The following KICS2 variants were observed in gnomAD, a reference collection of about 807,000 sequenced individuals.
KICS2 encodes the protein KICSTOR subunit 2.
A neutral mutation model predicts 31.4 loss-of-function variants in KICS2; 13 were observed. That is an observed-to-expected ratio of 0.41 (90% CI 0.27 to 0.66). The LOEUF (loss-of-function observed/expected upper bound fraction) is 0.66. Among genes scored for constraint, KICS2 ranks in the 30% least tolerant of loss-of-function variants. The probability of loss-of-function intolerance (pLI) is 0.28; values close to 1 mark genes in which losing one functional copy is unlikely to be tolerated. For missense variants in KICS2, 455 were observed against 545.4 expected (o/e 0.83, Z 1.65); for synonymous variants, 209 against 214.8 (o/e 0.97, Z 0.24).
Position 64,215,758 on chromosome 12 carries a change from G to T in KICS2, c.441C>A (p.Tyr147Ter). 1 of 1,614,058 alleles carries T rather than the reference G, an allele frequency of 6.2e-7. No homozygotes were observed. The highest frequency in any genetic ancestry group is 8.5e-7 in the Non-Finnish European group (1 of 1,180,026). ...MEIADFYEKM[Y>*]TLSTQKFINA... ...TGATGAACTTCTGTGTGCTGAGGGTGTACATCTTCTCATAGAAGTCTGCTA... is the reference window on the plus strand; with the variant it reads ...TGATGAACTTCTGTGTGCTGAGGGTTTACATCTTCTCATAGAAGTCTGCTA... The change falls in exon 2 of 3, where the codon TAC becomes TAA. Residue 147 changes from tyrosine (Y) to a stop codon, truncating the protein, a stop_gained. Transcript: ENST00000398055. LOFTEE classifies it high-confidence loss of function.
At chr12:64,202,474 T>C (rs2037499139) in intron 2 of KICS2, among the ~76,000 whole-genome samples, 1 of 151,998 alleles carries the variant, frequency 6.6e-6, no homozygotes, top group Non-Finnish European at 1.5e-5. Flanking sequence ...CCTGCACACA[T>C]AAATATTTTA....
Position 64,217,359 on chromosome 12 carries a change from T to A in KICS2, c.236-1396A>T, listed in dbSNP as rs868474970. ...TTTGAAAAGTGTTTTTCCAATATAC[T>A]GTCTAAACCAGGGGTGTTCAATCTT... On this transcript the variant is annotated intron_variant, in intron 1 of 2. Transcript: ENST00000398055. Among the ~76,000 whole-genome samples the A allele has an allele frequency of 2.2e-4, 33 of 152,266 alleles. No individual in the cohort carries two copies. In the Middle Eastern group the frequency reaches 0.01, roughly 47 times the overall value.
chr12:64,206,033 C>T (rs1368673021), intron 2 of KICS2, among the ~76,000 whole-genome samples: 1 of 152,128 alleles, frequency 6.6e-6, no homozygotes, highest in Non-Finnish European at 1.5e-5. Context: ...ATCCTTCCAC[C>T]TCAGCCCACT....
At position 64,222,254 on chromosome 12, in the gene KICS2, C is replaced by G; in HGVS notation, c.-17G>C. The G allele has an allele frequency of 6.2e-7, 1 of 1,612,172 alleles. No individual in the cohort carries two copies. On this transcript the variant is annotated 5_prime_UTR_variant, in exon 1 of 3. Transcript: ENST00000398055. ...CTCCCCCATGCGAGCTGCGCCCCAGCTCGACCCACGTGGCTCTCCTCGGCC... is the reference window on the plus strand; with the variant it reads ...CTCCCCCATGCGAGCTGCGCCCCAGGTCGACCCACGTGGCTCTCCTCGGCC...
rs1466620917 is a variant in KICS2 at position 64,192,890 on chromosome 12, T to G, written c.*952A>C. 3 of 985,368 alleles carry G rather than the reference T, an allele frequency of 3.0e-6. No homozygotes were observed. The highest frequency in any genetic ancestry group is 3.6e-6 in the Non-Finnish European group (3 of 829,950). The allele number at this position is 985,368 out of a possible 1,614,324, so 61.0% of individuals were successfully genotyped here. A position where few individuals can be genotyped will look rare whatever the true frequency, so the allele number is the denominator to read the frequency against. On this transcript the variant is annotated 3_prime_UTR_variant, in exon 3 of 3. Coordinates refer to ENST00000398055, the MANE Select transcript of KICS2 (RefSeq NM_152440.5). ...ATGAAGAGGTCTTTCAAGCGCACAG[T>G]TGATTTTTAGCAAGTACAGCGTATG...
At chr12:64,213,824 CT>C (rs1164892929) in intron 2 of KICS2, among the ~76,000 whole-genome samples, 2 of 152,208 alleles carry the variant, frequency 1.3e-5, no homozygotes, top group Non-Finnish European at 2.9e-5. Flanking sequence ...TTCAGTCCCT[CT>C]TGTCTTTTCA....
chr12:64,222,249 C>A lies in KICS2; in HGVS notation c.-12G>T. 3.1e-6 allele frequency: 5 copies of A among 1,612,314 alleles called. No individual in the cohort carries two copies. Among genetic ancestry groups the A allele is most frequent in the African/African-American group, 1.3e-5 (1 of 74,998 alleles). Reference sequence around the variant, plus strand: ...ATAGACTCCCCCATGCGAGCTGCGCCCCAGCTCGACCCACGTGGCTCTCCT... The same window carrying A: ...ATAGACTCCCCCATGCGAGCTGCGCACCAGCTCGACCCACGTGGCTCTCCT... On this transcript the variant is annotated 5_prime_UTR_variant, in exon 1 of 3. Coordinates refer to ENST00000398055, the MANE Select transcript of KICS2 (RefSeq NM_152440.5).
intron 2 of KICS2, among the ~76,000 whole-genome samples, chr12:64,196,377 G>A (rs1413806022): frequency 6.6e-6 from 1 of 151,132 alleles, no homozygotes; most frequent in Non-Finnish European, 1.5e-5. Flanking sequence ...CAACAGACCT[G>A]CAGCTGAGGG....
At chr12:64,216,513 AATACAT>A (rs1216155215) in intron 1 of KICS2, among the ~76,000 whole-genome samples, 2 of 152,236 alleles carry the variant, frequency 1.3e-5, no homozygotes, top group African/African-American at 4.8e-5. Flanking sequence ...CAGAAAATTG[AATACAT>A]ACACATATAT....
chr12:64,217,436 T>C (rs567358461), intron 1 of KICS2, among the ~76,000 whole-genome samples: 8 of 149,344 alleles, frequency 5.4e-5, no homozygotes, highest in Non-Finnish European at 8.9e-5. Context: ...GGGGCACATA[T>C]AAAATATGCT....
At chr12:64,220,858 A>AC (rs1426346047) in intron 1 of KICS2, among the ~76,000 whole-genome samples, 1 of 152,204 alleles carries the variant, frequency 6.6e-6, no homozygotes, top group Admixed American at 6.5e-5. Context: ...GGGAATAATA[A>AC]CACCATAGCA....
chr12:64,193,456 T>G lies in KICS2; in HGVS notation c.*386A>C. On this transcript the variant is annotated 3_prime_UTR_variant, in exon 3 of 3. Transcript: ENST00000398055. ...ATTTAATATCTCATCCCTATTACTC[T>G]TCCAAGAAGGAGGGAAACAGAGAGG... The G allele has an allele frequency of 9.9e-7, 1 of 1,005,402 alleles. No individual in the cohort carries two copies. Among genetic ancestry groups the G allele is most frequent in the Non-Finnish European group, 1.2e-6 (1 of 843,156 alleles). The allele number at this position is 1,005,402 out of a possible 1,614,324, so 62.3% of individuals were successfully genotyped here.
chr12:64,221,753 C>T, intron 1 of KICS2: 1 of 582,684 alleles, frequency 1.7e-6, no homozygotes, highest in Non-Finnish European at 3.0e-6. Flanking sequence ...AAAGGGCAAA[C>T]CCTTCGGTTT....
At chr12:64,197,565 A>G (rs1256178023) in intron 2 of KICS2, among the ~76,000 whole-genome samples, 2 of 151,382 alleles carry the variant, frequency 1.3e-5, no homozygotes, top group Non-Finnish European at 2.9e-5. Flanking sequence ...TCACCAGCTA[A>G]CATCATAATG....
At chr12:64,205,703 G>T (rs34360383) in intron 2 of KICS2, among the ~76,000 whole-genome samples, 51,579 of 116,634 alleles carry the variant, frequency 0.44, 10,536 homozygotes, top group Non-Finnish European at 0.48. Flanking sequence ...GAAGGAAAAA[G>T]GGAAGGAAGG....
intron 1 of KICS2, among the ~76,000 whole-genome samples, chr12:64,216,291 C>T (rs984401704): frequency 6.6e-6 from 1 of 151,886 alleles, no homozygotes; most frequent in African/African-American, 2.4e-5. Flanking sequence ...CTCACCCACC[C>T]CAATTCAATG....
intron 2 of KICS2, among the ~76,000 whole-genome samples, chr12:64,196,278 G>C (rs951052927): frequency 8.1e-6 from 1 of 124,008 alleles, no homozygotes; most frequent in Non-Finnish European, 1.8e-5. Context: ...GCCTCCTCAA[G>C]TGGGTTCCTG....
chr12:64,187,734 G>T, downstream of KICS2: 2 of 1,154,258 alleles, frequency 1.7e-6, no homozygotes, highest in Non-Finnish European at 2.4e-6. Context: ...CATGTTTTTT[G>T]TTTCTCACTT....
chr12:64,196,582 G>T (rs1337183878), intron 2 of KICS2, among the ~76,000 whole-genome samples: 1 of 151,688 alleles, frequency 6.6e-6, no homozygotes, highest in Non-Finnish European at 1.5e-5. Flanking sequence ...CACCAGCAAT[G>T]GAACAAAGCT....
Sources: allele counts gnomAD v4.1 joint callset (sites outside exome capture counted in the v4.1 genomes callset), GRCh38; gene constraint gnomAD v4.1.1; transcripts MANE v1.5; gene names NCBI Gene and HGNC (gene_info 2026-07-23, HGNC 2026-07-21).